Variants in DUSP16 observed in about 807,000 individuals in gnomAD.
DUSP16 encodes the protein dual specificity phosphatase 16.
A neutral mutation model predicts 58.3 loss-of-function variants in DUSP16; 21 were observed. That is an observed-to-expected ratio of 0.36 (90% CI 0.26 to 0.52). DUSP16 has a LOEUF of 0.52. Among genes scored for constraint, DUSP16 ranks in the 20% least tolerant of loss-of-function variants. The pLI is 0.94. For missense variants in DUSP16, 726 were observed against 819.0 expected (o/e 0.89, Z 1.39); for synonymous variants, 320 against 323.8 (o/e 0.99, Z 0.12).
chr12:12,531,663 G>C (rs1490382460), intron 1 of DUSP16, among the ~76,000 whole-genome samples: 1 of 152,172 alleles, frequency 6.6e-6, no homozygotes, highest in African/African-American at 2.4e-5. Flanking sequence ...TTGAGGTCAG[G>C]AGTTCAAGAC....
intron 1 of DUSP16, among the ~76,000 whole-genome samples, chr12:12,549,853 T>C (rs994775700): frequency 6.6e-6 from 1 of 152,180 alleles, no homozygotes; most frequent in Non-Finnish European, 1.5e-5. Context: ...CCCTTCTGTC[T>C]ACCCTTTATC....
rs1166788536 is a variant in DUSP16 at position 12,562,557 on chromosome 12, A to AAGGCGGGGGGGTG, written c.-819_-807dup. Among the ~76,000 whole-genome samples the AAGGCGGGGGGGTG allele has an allele frequency of 1.3e-4, 1 of 7,594 alleles. No individual in the cohort carries two copies. Among genetic ancestry groups the AAGGCGGGGGGGTG allele is most frequent in the African/African-American group, 5.1e-4 (1 of 1,944 alleles). The allele number at this position is 7,594 out of a possible 152,430, so 5.0% of individuals were successfully genotyped here. ...ACACTGATACATAGAAAGAGGGGGA[A>AAGGCGGGGGGGTG]AGGCGGGGGGGTGGGGTGGGGGGTT... On this transcript the variant is annotated 5_prime_UTR_variant, in exon 1 of 7. Coordinates refer to ENST00000298573, the MANE Select transcript of DUSP16 (RefSeq NM_030640.3).
At chr12:12,512,105 G>A (rs1944087204) in intron 3 of DUSP16, among the ~76,000 whole-genome samples, 1 of 152,170 alleles carries the variant, frequency 6.6e-6, no homozygotes, top group Admixed American at 6.5e-5. Context: ...GATAGCAATC[G>A]GAGAAAAGAT....
At chr12:12,482,026 A>G (rs776398782) in intron 5 of DUSP16, among the ~76,000 whole-genome samples, 1 of 152,220 alleles carries the variant, frequency 6.6e-6, no homozygotes, top group Non-Finnish European at 1.5e-5. Context: ...ATGTGTGAGA[A>G]TATGTGTATC....
intron 1 of DUSP16, among the ~76,000 whole-genome samples, chr12:12,533,536 T>C (rs1944422224): frequency 1.3e-5 from 2 of 152,320 alleles, no homozygotes; most frequent in South Asian, 4.1e-4. Flanking sequence ...TGCAGGCCCC[T>C]TGCTCAGCTT....
chr12:12,519,283 CTTT>C (rs1041192567), intron 3 of DUSP16, among the ~76,000 whole-genome samples: 1 of 152,056 alleles, frequency 6.6e-6, no homozygotes, highest in Non-Finnish European at 1.5e-5. Context: ...TACGTTGAGA[CTTT>C]TTTTTAATTA....
chr12:12,562,065 GC>G (rs1944912668), intron 1 of DUSP16, 51 bp downstream of exon 1: 1 of 149,922 alleles, frequency 6.7e-6, no homozygotes. Context: ...GGCGCCCCGG[GC>G]CCCGCACCCT....
At chr12:12,546,157 T>C (rs1325195414) in intron 1 of DUSP16, among the ~76,000 whole-genome samples, 1 of 152,242 alleles carries the variant, frequency 6.6e-6, no homozygotes, top group Non-Finnish European at 1.5e-5. Flanking sequence ...TGAAATGCTA[T>C]CATTTGGGGG....
At chr12:12,512,418 T>C (rs770148181) in intron 3 of DUSP16, among the ~76,000 whole-genome samples, 19 of 152,200 alleles carry the variant, frequency 1.2e-4, no homozygotes, top group Non-Finnish European at 2.2e-4. Context: ...TGCTGTACAA[T>C]AGGTCTCTAG....
intron 1 of DUSP16, among the ~76,000 whole-genome samples, chr12:12,549,767 C>T (rs200973726): frequency 9.3e-6 from 1 of 107,602 alleles, no homozygotes; most frequent in African/African-American, 4.2e-5. Flanking sequence ...GGCCACAGTG[C>T]TTTTTTATTA....
intron 1 of DUSP16, among the ~76,000 whole-genome samples, chr12:12,542,029 A>C (rs866922644): frequency 2.0e-5 from 3 of 152,244 alleles, no homozygotes; most frequent in African/African-American, 7.2e-5. Flanking sequence ...CGTTATGCTA[A>C]GGGAAAGAAA....
At chr12:12,532,926 G>C (rs1944412533) in intron 1 of DUSP16, among the ~76,000 whole-genome samples, 1 of 149,276 alleles carries the variant, frequency 6.7e-6, no homozygotes, top group Non-Finnish European at 1.5e-5. Context: ...CCAGCCTGGG[G>C]GACGAGAGCG....
intron 1 of DUSP16, among the ~76,000 whole-genome samples, chr12:12,526,214 C>G (rs1415881394): frequency 6.6e-6 from 1 of 152,148 alleles, no homozygotes; most frequent in African/African-American, 2.4e-5. Flanking sequence ...TATATTTTTA[C>G]CTTTCAGCAA....
chr12:12,532,055 G>A (rs1300213839), intron 1 of DUSP16, among the ~76,000 whole-genome samples: 1 of 152,118 alleles, frequency 6.6e-6, no homozygotes, highest in Non-Finnish European at 1.5e-5. Context: ...CTACTCGGGA[G>A]GCTGAGGCAG....
chr12:12,486,886 G>C lies in DUSP16; in HGVS notation c.691+142C>G, dbSNP rs557840777. 4.3e-6 allele frequency: 4 copies of C among 921,672 alleles called. No individual in the cohort carries two copies. The East Asian group carries it at 8.0e-5, about 18-fold the overall frequency. 57.1% of individuals were successfully genotyped at this position (921,672 alleles called of 1,614,324 possible). On this transcript the variant is annotated intron_variant, in intron 5 of 6. Transcript: ENST00000298573. ...GTCACCTTGACCACCAGATGAGTAA[G>C]CTGCACCACGTGCTGTTTTCAGACT...
intron 3 of DUSP16, among the ~76,000 whole-genome samples, chr12:12,502,221 GC>G: frequency 6.6e-6 from 1 of 152,228 alleles, no homozygotes; most frequent in African/African-American, 2.4e-5. Flanking sequence ...CTTTCATTAT[GC>G]CCTGTATTAT....
chr12:12,508,278 CG>C (rs746818968), intron 3 of DUSP16, among the ~76,000 whole-genome samples: 5 of 151,712 alleles, frequency 3.3e-5, no homozygotes, highest in Non-Finnish European at 5.9e-5. Flanking sequence ...ACAATTCTTT[CG>C]GGATCAGCAG....
chr12:12,551,746 G>T (rs1362342812), intron 1 of DUSP16, among the ~76,000 whole-genome samples: 1 of 148,968 alleles, frequency 6.7e-6, no homozygotes, highest in Non-Finnish European at 1.5e-5. Flanking sequence ...ATGCTGGAGT[G>T]CAGTGGCACG....
chr12:12,539,201 TTAATC>T (rs747111723), intron 1 of DUSP16, among the ~76,000 whole-genome samples: 7 of 152,232 alleles, frequency 4.6e-5, no homozygotes, highest in Non-Finnish European at 8.8e-5. Flanking sequence ...AACACTGTGA[TTAATC>T]TATTGCTTAC....
Sources: allele counts gnomAD v4.1 joint callset (sites outside exome capture counted in the v4.1 genomes callset), GRCh38; gene constraint gnomAD v4.1.1; transcripts MANE v1.5; gene names NCBI Gene and HGNC (gene_info 2026-07-23, HGNC 2026-07-21).